HOMER1: variants seen among roughly 807,000 people sequenced by gnomAD.
HOMER1 encodes homer protein homolog 1.
A neutral mutation model predicts 48.9 loss-of-function variants in HOMER1; 3 were observed. The observed-to-expected ratio is 0.06, with a 90% CI of 0.03 to 0.16. The LOEUF (loss-of-function observed/expected upper bound fraction) is 0.16, where lower values mean the gene tolerates loss of function less well. HOMER1 is among the 10% of genes least tolerant of loss of function. The pLI, the probability that HOMER1 is intolerant of heterozygous loss-of-function variation, is 1.00. For synonymous variants in HOMER1, 134 were observed against 146.4 expected (o/e 0.92, Z 0.61); for missense variants, 247 against 411.4 (o/e 0.60, Z 3.46).
chr5:79,491,103 A>AAAAAAAAAAC (rs1752262062), intron 1 of HOMER1, among the ~76,000 whole-genome samples: 2 of 129,862 alleles, frequency 1.5e-5, no homozygotes, highest in Non-Finnish European at 3.1e-5. Context: ...AAAAAAAAAA[A>AAAAAAAAAAC]AAAAAAAGCT....
intron 1 of HOMER1, among the ~76,000 whole-genome samples, chr5:79,503,181 G>A (rs1194194364): frequency 6.6e-6 from 1 of 152,130 alleles, no homozygotes; most frequent in Non-Finnish European, 1.5e-5. Context: ...CATTTTGTAT[G>A]TGTATTATAT....
rs760734329 is a variant in HOMER1 at position 79,376,173 on chromosome 5, G to C, written c.901C>G (p.Leu301Val). Residue 301 changes from leucine (L) to valine (V), a missense_variant, in exon 9 of 9, where the codon CTG becomes GTG. This residue lies in a region of HOMER1 where 113 missense variants were observed against 152.5 expected (regional missense o/e 0.74). Coordinates refer to ENST00000334082, the MANE Select transcript of HOMER1 (RefSeq NM_004272.5). ...TCTAAGTCAGACAGTTGTCCCTCCA[G>C]GTCTTTGTTCCGAATTTCTACTTCC... ...LQEVEIRNKDLEGQLSDLEQR... is the reference protein window; with the variant it reads ...LQEVEIRNKDVEGQLSDLEQR... 1 of 1,611,604 alleles carries C rather than the reference G, an allele frequency of 6.2e-7. No homozygotes were observed. The highest frequency in any genetic ancestry group is 1.1e-5 in the South Asian group (1 of 90,496).
chr5:79,485,200 T>C (rs1019140427), intron 1 of HOMER1, among the ~76,000 whole-genome samples: 2 of 152,208 alleles, frequency 1.3e-5, no homozygotes, highest in African/African-American at 4.8e-5. Flanking sequence ...ACTAAACATT[T>C]CTTAGTTATC....
chr5:79,390,992 GA>G (rs1580418689), intron 8 of HOMER1, among the ~76,000 whole-genome samples: 2 of 150,882 alleles, frequency 1.3e-5, no homozygotes, highest in Non-Finnish European at 3.0e-5. Context: ...GTGAAAGAAT[GA>G]AAAAAAGGAA....
chr5:79,401,027 AC>A (rs2112219744), intron 6 of HOMER1, among the ~76,000 whole-genome samples: 1 of 148,728 alleles, frequency 6.7e-6, no homozygotes, highest in South Asian at 2.1e-4. Context: ...AAAACACTTT[AC>A]AAGTAATTAT....
intron 1 of HOMER1, among the ~76,000 whole-genome samples, chr5:79,485,445 G>C (rs763500544): frequency 4.6e-5 from 7 of 152,130 alleles, no homozygotes; most frequent in Non-Finnish European, 8.8e-5. Flanking sequence ...ACTTTAAGGA[G>C]TTAAAGGACT....
intron 4 of HOMER1, among the ~76,000 whole-genome samples, chr5:79,439,585 G>A (rs1750688151): frequency 1.3e-5 from 2 of 152,098 alleles, no homozygotes; most frequent in Admixed American, 6.5e-5. Context: ...GAGAAGAAGT[G>A]GATGAGGAGA....
At chr5:79,385,305 A>C (rs1441448602) in intron 8 of HOMER1, among the ~76,000 whole-genome samples, 1 of 152,076 alleles carries the variant, frequency 6.6e-6, no homozygotes, top group African/African-American at 2.4e-5. Context: ...AGGAAACAAC[A>C]AAGAGACAAC....
At chr5:79,444,311 C>T (rs966333063) in intron 4 of HOMER1, among the ~76,000 whole-genome samples, 2 of 152,192 alleles carry the variant, frequency 1.3e-5, no homozygotes, top group African/African-American at 4.8e-5. Flanking sequence ...TCAAGCAGTC[C>T]TCCCACCTTA....
intron 1 of HOMER1, among the ~76,000 whole-genome samples, chr5:79,472,618 TA>T (rs11392852): frequency 1.7e-4 from 25 of 145,200 alleles, no homozygotes; most frequent in Admixed American, 2.8e-4. Flanking sequence ...CTACTAAAAA[TA>T]AAAAAAAAAA....
At position 79,439,169 on chromosome 5, in the gene HOMER1, G is replaced by C. The variant is rs879109742; in HGVS notation, c.388-20C>G. On this transcript the variant is annotated intron_variant, in intron 4 of 8. Coordinates refer to ENST00000334082, the MANE Select transcript of HOMER1 (RefSeq NM_004272.5). ...GGATTCCTTTAAAAAAAGGGGTGGG[G>C]GATAAAAAATAGTTACACTTTTGTT... 1 of 1,611,798 alleles carries C rather than the reference G, an allele frequency of 6.2e-7. No individual in the cohort carries two copies. Among genetic ancestry groups the C allele is most frequent in the Non-Finnish European group, 8.5e-7 (1 of 1,179,048 alleles).
At chr5:79,511,925 G>C (rs1179078925) in intron 1 of HOMER1, among the ~76,000 whole-genome samples, 1 of 152,190 alleles carries the variant, frequency 6.6e-6, no homozygotes, top group African/African-American at 2.4e-5. Flanking sequence ...CTGCCAAAAA[G>C]CAGTGACAAC....
At chr5:79,384,355 T>A (rs1253547270) in intron 8 of HOMER1, among the ~76,000 whole-genome samples, 1 of 151,990 alleles carries the variant, frequency 6.6e-6, no homozygotes, top group African/African-American at 2.4e-5. Flanking sequence ...TACAAAAGAT[T>A]ACGAGAGACT....
At chr5:79,436,047 AC>A (rs1487418138) in intron 5 of HOMER1, among the ~76,000 whole-genome samples, 1 of 150,656 alleles carries the variant, frequency 6.6e-6, no homozygotes, top group African/African-American at 2.4e-5. Flanking sequence ...AATGGCGTGA[AC>A]CCGGGAAGCG....
intron 5 of HOMER1, among the ~76,000 whole-genome samples, chr5:79,416,941 A>G (rs1749957636): frequency 6.6e-6 from 1 of 152,204 alleles, no homozygotes; most frequent in South Asian, 2.1e-4. Context: ...CGTAAATCAT[A>G]GTTTCCCTAC....
chr5:79,397,052 CT>C, intron 7 of HOMER1, 149 bp from the exon 8 acceptor site: 3 of 565,234 alleles, frequency 5.3e-6, no homozygotes, highest in Non-Finnish European at 9.3e-6. Flanking sequence ...ATGAATTCAT[CT>C]TTATATGTAT....
chr5:79,503,077 G>A (rs749819790), intron 1 of HOMER1, among the ~76,000 whole-genome samples: 20 of 152,120 alleles, frequency 1.3e-4, no homozygotes, highest in Non-Finnish European at 1.3e-4. Context: ...GTGAGCCACT[G>A]CGCCCAGCCT....
intron 8 of HOMER1, among the ~76,000 whole-genome samples, chr5:79,386,572 T>C (rs937577743): frequency 6.6e-6 from 1 of 152,176 alleles, no homozygotes; most frequent in Non-Finnish European, 1.5e-5. Flanking sequence ...AGGGTTCCTA[T>C]AGTTAGCAAC....
In HOMER1 at chr5:79,503,725, C is replaced by CA. The variant is rs34548421; in HGVS notation, c.5+9044dup. Among the ~76,000 whole-genome samples the CA allele has an allele frequency of 4.5e-3, 551 of 123,042 alleles. 3 individuals carry two copies. Among genetic ancestry groups the CA allele is most frequent in the East Asian group, 0.014 (63 of 4,498 alleles). 80.7% of individuals were successfully genotyped at this position (123,042 alleles called of 152,430 possible). Reference sequence around the variant, plus strand: ...GTGGGATTCAGCAAGACTCTGCCTCCAAAAAAAAAAAAAAAGAAAGAAGAA... The same window carrying CA: ...GTGGGATTCAGCAAGACTCTGCCTCCAAAAAAAAAAAAAAAAGAAAGAAGAA... On this transcript the variant is annotated intron_variant, in intron 1 of 8. Coordinates refer to ENST00000334082, the MANE Select transcript of HOMER1 (RefSeq NM_004272.5).
Sources: gnomAD v4.1 joint callset for allele counts (sites outside exome capture counted in the v4.1 genomes callset) on GRCh38, gnomAD v4.1.1 for gene constraint, gnomAD v4.1.1 regional missense constraint, MANE v1.5 for transcripts, NCBI Gene and HGNC (gene_info 2026-07-23, HGNC 2026-07-21) for gene names.